AAK1: variants seen among roughly 807,000 people sequenced by gnomAD.
AAK1 encodes AP2 associated kinase 1, also known as AP2-associated protein kinase 1.
AAK1 carries 37 observed loss-of-function variants against 116.0 expected under a neutral mutation model. That is an observed-to-expected ratio of 0.32 (90% CI 0.25 to 0.42). The LOEUF (loss-of-function observed/expected upper bound fraction) is 0.42. AAK1 is among the 10% of genes least tolerant of loss of function. AAK1 has a pLI of 1.00. For missense variants in AAK1, 919 were observed against 1,170.6 expected, an observed-to-expected ratio of 0.79 and a Z score of 3.14; for synonymous variants, 458 against 439.9, an observed-to-expected ratio of 1.04 and a Z score of -0.51.
At chr2:69,553,051 CA>C (rs1295844866) in intron 3 of AAK1, among the ~76,000 whole-genome samples, 1 of 151,648 alleles carries the variant, frequency 6.6e-6, no homozygotes. Context: ...TCAGGAGAAC[CA>C]ATATCCAAAT....
intron 16 of AAK1, among the ~76,000 whole-genome samples, chr2:69,497,458 C>T (rs1202052280): frequency 6.6e-6 from 1 of 151,778 alleles, no homozygotes; most frequent in Non-Finnish European, 1.5e-5. Context: ...CCTACCACCA[C>T]ACCTGGCTAA....
At chr2:69,589,853 T>C (rs1672955322) in intron 2 of AAK1, among the ~76,000 whole-genome samples, 1 of 150,938 alleles carries the variant, frequency 6.6e-6, no homozygotes, top group Non-Finnish European at 1.5e-5. Context: ...GTACCTGGAG[T>C]AGAGTCAGGC....
rs1326893674 is a variant in AAK1, at chr2:69,529,918, C to T, written c.871+90G>A. 49 of 1,156,112 alleles carry T rather than the reference C, an allele frequency of 4.2e-5. 1 individual carries two copies. In the South Asian group the frequency reaches 7.6e-4, roughly 18 times the overall value. 71.6% of individuals were successfully genotyped at this position (1,156,112 alleles called of 1,614,324 possible). ...AATTTCTTTACCTTTGCATCTAACT[C>T]ATTACTCCTGGAATCTAATCCCTTT... On this transcript the variant is annotated intron_variant, in intron 8 of 21. Transcript: ENST00000409085.
At chr2:69,535,008 C>T (rs1290385316) in intron 5 of AAK1, among the ~76,000 whole-genome samples, 1 of 152,220 alleles carries the variant, frequency 6.6e-6, no homozygotes, top group African/African-American at 2.4e-5. Context: ...CAGTGCTGTA[C>T]ACACGCCAGG....
chr2:69,531,992 T>G, intron 6 of AAK1, 49 bp downstream of exon 6: 1 of 1,606,350 alleles, frequency 6.2e-7, no homozygotes, highest in Non-Finnish European at 8.5e-7. Flanking sequence ...GAAGGTAAAG[T>G]TGCTCATCTG....
intron 2 of AAK1, among the ~76,000 whole-genome samples, chr2:69,596,252 A>C: frequency 6.9e-6 from 1 of 144,634 alleles, no homozygotes; most frequent in African/African-American, 2.7e-5. Flanking sequence ...ACAAAGTCTC[A>C]CTCTGTTGCT....
At position 69,532,148 on chromosome 2, in the gene AAK1, G is replaced by A; in HGVS notation, c.549C>T (p.Leu183=). Residue 183 remains leucine, a synonymous_variant, in exon 6 of 22, where the codon CTC becomes CTT. Coordinates refer to ENST00000409085, the MANE Select transcript of AAK1 (RefSeq NM_014911.5). ...GGACATAGTGGCCTCGGTCATGCAAGAGGATGTTTTCAACCTGAAAAACAT... is the reference window on the plus strand; with the variant it reads ...GGACATAGTGGCCTCGGTCATGCAAAAGGATGTTTTCAACCTGAAAAACAT... ...IHRDLKVENI[L]LHDRGHYVLC... 1 of 1,613,502 alleles carries A rather than the reference G, an allele frequency of 6.2e-7. No homozygotes were observed. The highest frequency in any genetic ancestry group is 8.5e-7 in the Non-Finnish European group (1 of 1,179,530).
chr2:69,611,000 T>C (rs1224547497), intron 2 of AAK1, among the ~76,000 whole-genome samples: 1 of 152,206 alleles, frequency 6.6e-6, no homozygotes, highest in Non-Finnish European at 1.5e-5. Context: ...TACCTTATGA[T>C]CCAGCAATTC....
intron 2 of AAK1, among the ~76,000 whole-genome samples, chr2:69,570,431 G>A (rs1380837716): frequency 6.6e-6 from 1 of 151,960 alleles, no homozygotes; most frequent in African/African-American, 2.4e-5. Context: ...TTATCATAAT[G>A]TATTGTGATT....
intron 2 of AAK1, among the ~76,000 whole-genome samples, chr2:69,617,335 C>T (rs929069433): frequency 9.2e-5 from 14 of 152,162 alleles, no homozygotes; most frequent in African/African-American, 3.1e-4. Flanking sequence ...CAGAAGACCC[C>T]ACAAGCTTGA....
intron 21 of AAK1, 62 bp downstream of exon 21, chr2:69,476,818 G>T: frequency 8.6e-7 from 1 of 1,158,104 alleles, no homozygotes; most frequent in Admixed American, 2.0e-5. Context: ...CAGATTAGGT[G>T]CATGACTATT....
intron 2 of AAK1, among the ~76,000 whole-genome samples, chr2:69,624,109 G>A (rs750151560): frequency 4.6e-5 from 7 of 152,118 alleles, no homozygotes; most frequent in Non-Finnish European, 8.8e-5. Flanking sequence ...GAGGGAACAC[G>A]TCCAACCACA....
chr2:69,640,081 C>CTCT (rs542823509), intron 2 of AAK1, among the ~76,000 whole-genome samples: 2,279 of 121,192 alleles, frequency 0.019, 88 homozygotes, highest in African/African-American at 0.066. Flanking sequence ...TCTCTCTCTC[C>CTCT]CCCCCCACAT....
intron 2 of AAK1, among the ~76,000 whole-genome samples, chr2:69,606,956 C>T (rs376740580): frequency 4.7e-5 from 7 of 148,690 alleles, no homozygotes; most frequent in African/African-American, 1.7e-4. Flanking sequence ...GTCCCAGCTA[C>T]TTGGCAGGCT....
At chr2:69,642,689 A>G (rs1230161686) in intron 2 of AAK1, among the ~76,000 whole-genome samples, 189 bp downstream of exon 2, 1 of 151,794 alleles carries the variant, frequency 6.6e-6, no homozygotes, top group Non-Finnish European at 1.5e-5. Context: ...ACCTCCCCAC[A>G]CCCCCATAAG....
In AAK1 at chr2:69,589,336, G is replaced by C. The variant is rs561647098; in HGVS notation, c.164-32358C>G. ...GTCAAGCAACGAGGCAGAGAGTCAAGACCTAGAAAGATCAGCAGGAAAAGG... is the reference window on the plus strand; with the variant it reads ...GTCAAGCAACGAGGCAGAGAGTCAACACCTAGAAAGATCAGCAGGAAAAGG... On this transcript the variant is annotated intron_variant, in intron 2 of 21. Transcript: ENST00000409085. Among the ~76,000 whole-genome samples, 3 of 152,304 alleles carry C rather than the reference G, an allele frequency of 2.0e-5. No individual in the cohort carries two copies. In the East Asian group the frequency reaches 5.8e-4, roughly 29 times the overall value.
rs570660525 is a variant in AAK1, at chr2:69,554,295, G to A, written c.282+2565C>T. 7.7e-4 allele frequency among the ~76,000 whole-genome samples: 117 copies of A among 152,158 alleles called. 1 individual carries two copies. The highest frequency in any genetic ancestry group is 2.6e-3 in the African/African-American group (110 of 41,522). ...TGATAAAACAGACACCATTAAATGC[G>A]TCTAAAAAATTCAAAAAATGGTTTA... On this transcript the variant is annotated intron_variant, in intron 3 of 21. Coordinates refer to ENST00000409085, the MANE Select transcript of AAK1 (RefSeq NM_014911.5).
intron 2 of AAK1, among the ~76,000 whole-genome samples, chr2:69,636,054 C>T (rs1034979925): frequency 5.9e-5 from 9 of 152,144 alleles, no homozygotes; most frequent in Non-Finnish European, 7.4e-5. Context: ...CACATGTCCA[C>T]TATTGAGGGC....
rs1264870515 is a variant in AAK1 at position 69,470,977 on chromosome 2, T to C, written c.*4892A>G. On this transcript the variant is annotated 3_prime_UTR_variant, in exon 22 of 22. Coordinates refer to ENST00000409085, the MANE Select transcript of AAK1 (RefSeq NM_014911.5). Reference sequence around the variant, plus strand: ...TGTATGTTTACATAAGAAAGTTCTTTACAGACTTTTTTTTATACAATACTT... The same window carrying C: ...TGTATGTTTACATAAGAAAGTTCTTCACAGACTTTTTTTTATACAATACTT... 1.0e-6 allele frequency: 1 copy of C among 985,778 alleles called. No homozygotes were observed. Among genetic ancestry groups the C allele is most frequent in the Non-Finnish European group, 1.2e-6 (1 of 829,944 alleles). The allele number at this position is 985,778 out of a possible 1,614,324, so 61.1% of individuals were successfully genotyped here.
Sources: gnomAD v4.1 joint callset for allele counts (sites outside exome capture counted in the v4.1 genomes callset) on GRCh38, gnomAD v4.1.1 for gene constraint, MANE v1.5 for transcripts, NCBI Gene and HGNC (gene_info 2026-07-23, HGNC 2026-07-21) for gene names.